The following ADAMTSL1 variants were observed in gnomAD, a reference collection of about 807,000 sequenced individuals.
ADAMTSL1 encodes ADAMTS-like protein 1.
ADAMTSL1 carries 126 observed loss-of-function variants against 201.8 expected under a neutral mutation model. The observed-to-expected ratio is 0.62, with a 90% CI of 0.54 to 0.72. The LOEUF is 0.72. Among genes scored for constraint, ADAMTSL1 ranks in the 30% least tolerant of loss-of-function variants. ADAMTSL1 has a pLI of 0.00. For missense variants in ADAMTSL1, 2,679 were observed against 2,277.8 expected, an observed-to-expected ratio of 1.18 and a Z score of -3.59; for synonymous variants, 1,121 against 903.4, an observed-to-expected ratio of 1.24 and a Z score of -4.32.
At chr9:18,575,204 T>G (rs1822630913) in intron 4 of ADAMTSL1, among the ~76,000 whole-genome samples, 1 of 152,146 alleles carries the variant, frequency 6.6e-6, no homozygotes, top group African/African-American at 2.4e-5. Context: ...TATATTTGGA[T>G]GTAAAGGCAA....
chr9:18,683,933 G>T (rs180911185), intron 12 of ADAMTSL1, among the ~76,000 whole-genome samples: 17 of 152,280 alleles, frequency 1.1e-4, no homozygotes, highest in African/African-American at 4.1e-4. Context: ...TGGTGATAGA[G>T]CATCATTGGC....
intron 2 of ADAMTSL1, among the ~76,000 whole-genome samples, chr9:18,424,269 A>G (rs184280652): frequency 6.6e-6 from 1 of 152,184 alleles, no homozygotes; most frequent in African/African-American, 2.4e-5. Context: ...CTGAGAAACA[A>G]TTAATTGCCC....
intron 1 of ADAMTSL1, among the ~76,000 whole-genome samples, chr9:18,129,437 C>T (rs914136091): frequency 9.9e-5 from 15 of 152,170 alleles, no homozygotes; most frequent in African/African-American, 2.9e-4. Context: ...AAGCTGGATA[C>T]AACTTTCCTG....
intron 2 of ADAMTSL1, among the ~76,000 whole-genome samples, chr9:18,273,094 A>T (rs1032564402): frequency 4.6e-5 from 7 of 152,174 alleles, no homozygotes; most frequent in African/African-American, 1.7e-4. Context: ...AGGTTATTTT[A>T]TACCTTGTGG....
chr9:18,656,741 A>T lies in ADAMTSL1; in HGVS notation c.835-898A>T, dbSNP rs539606487. 1.4e-4 allele frequency among the ~76,000 whole-genome samples: 22 copies of T among 152,252 alleles called. No homozygotes were observed. The South Asian group carries it at 2.3e-3, about 16-fold the overall frequency. On this transcript the variant is annotated intron_variant, in intron 7 of 28. Transcript: ENST00000380548. Reference sequence around the variant, plus strand: ...TCTAATTGTTGTAATGTAGAGTAAGAAGTAATCCTCTCAATTGTCCTTGGA... The same window carrying T: ...TCTAATTGTTGTAATGTAGAGTAAGTAGTAATCCTCTCAATTGTCCTTGGA...
intron 2 of ADAMTSL1, among the ~76,000 whole-genome samples, chr9:18,447,387 G>T (rs989946963): frequency 2.0e-5 from 3 of 152,166 alleles, no homozygotes; most frequent in African/African-American, 7.2e-5. Flanking sequence ...AAAGTGTTCA[G>T]TGCCGGTAGG....
At chr9:18,573,659 TCC>T (rs1822495394) in intron 3 of ADAMTSL1, among the ~76,000 whole-genome samples, 2 of 152,186 alleles carry the variant, frequency 1.3e-5, no homozygotes, top group Admixed American at 6.5e-5. Flanking sequence ...TTTCAACTAA[TCC>T]TCTGACTTTA....
intron 2 of ADAMTSL1, among the ~76,000 whole-genome samples, chr9:18,386,344 C>G (rs377206084): frequency 1.3e-5 from 2 of 152,248 alleles, no homozygotes; most frequent in African/African-American, 4.8e-5. Context: ...CATGATTTCT[C>G]AACCATGATG....
chr9:17,981,661 T>C (rs1247861359), intron 1 of ADAMTSL1, among the ~76,000 whole-genome samples: 2 of 152,164 alleles, frequency 1.3e-5, no homozygotes, highest in Non-Finnish European at 1.5e-5. Context: ...TTTATACTTA[T>C]GGATTGAGGT....
chr9:18,733,978 T>C (rs1165578717), intron 15 of ADAMTSL1, among the ~76,000 whole-genome samples: 1 of 150,294 alleles, frequency 6.7e-6, no homozygotes, highest in Non-Finnish European at 1.5e-5. Flanking sequence ...CACACTAAGG[T>C]GTAAATGACT....
chr9:18,286,246 A>G (rs1031378413), intron 2 of ADAMTSL1, among the ~76,000 whole-genome samples: 2 of 152,162 alleles, frequency 1.3e-5, no homozygotes, highest in Non-Finnish European at 2.9e-5. Flanking sequence ...ACAGAAACCT[A>G]GTTATGATTC....
At chr9:17,957,596 C>T (rs1411046828) in intron 1 of ADAMTSL1, among the ~76,000 whole-genome samples, 1 of 152,144 alleles carries the variant, frequency 6.6e-6, no homozygotes, top group Non-Finnish European at 1.5e-5. Flanking sequence ...CCTTTGTTCC[C>T]CACTGTAGTG....
intron 1 of ADAMTSL1, among the ~76,000 whole-genome samples, chr9:17,932,438 C>T (rs1266673655): frequency 6.6e-6 from 1 of 152,104 alleles, no homozygotes; most frequent in Non-Finnish European, 1.5e-5. Flanking sequence ...CTAGCCAGTA[C>T]ATTTTATATC....
intron 7 of ADAMTSL1, chr9:18,651,090 G>C (rs561458541): frequency 6.6e-6 from 1 of 152,202 alleles, no homozygotes; most frequent in East Asian, 1.9e-4. Context: ...AGAGGCTGCC[G>C]CATTTACCAG....
intron 15 of ADAMTSL1, among the ~76,000 whole-genome samples, chr9:18,742,413 C>A (rs933748192): frequency 1.3e-5 from 2 of 152,062 alleles, no homozygotes; most frequent in Non-Finnish European, 2.9e-5. Flanking sequence ...GGGATGATAA[C>A]TAGGGGGAAA....
At chr9:18,038,145 A>C (rs371500901) in intron 1 of ADAMTSL1, among the ~76,000 whole-genome samples, 1 of 152,164 alleles carries the variant, frequency 6.6e-6, no homozygotes, top group East Asian at 1.9e-4. Flanking sequence ...TGTGTCTTTC[A>C]CTGAAGCGTC....
chr9:17,935,966 C>G (rs1364387480), intron 1 of ADAMTSL1, among the ~76,000 whole-genome samples: 1 of 152,208 alleles, frequency 6.6e-6, no homozygotes, highest in East Asian at 1.9e-4. Context: ...CTCCGATCCT[C>G]TCACCTACCA....
chr9:18,596,506 G>A (rs555886233), intron 4 of ADAMTSL1, among the ~76,000 whole-genome samples: 1 of 152,106 alleles, frequency 6.6e-6, no homozygotes, highest in Admixed American at 6.6e-5. Flanking sequence ...CTGACATGGT[G>A]CCTCAGCCTC....
At chr9:18,468,344 G>T (rs1382499351) in intron 2 of ADAMTSL1, among the ~76,000 whole-genome samples, 2 of 152,114 alleles carry the variant, frequency 1.3e-5, no homozygotes, top group Non-Finnish European at 2.9e-5. Context: ...TTGTTTTGGG[G>T]ACAAGTATCT....
Sources: allele counts gnomAD v4.1 joint callset (sites outside exome capture counted in the v4.1 genomes callset), GRCh38; gene constraint gnomAD v4.1.1; transcripts MANE v1.5; gene names NCBI Gene and HGNC (gene_info 2026-07-23, HGNC 2026-07-21).